Variants in IGSF21 observed in about 807,000 individuals in gnomAD.
IGSF21 encodes the protein immunoglobin superfamily member 21.
Under a neutral mutation model 46.8 loss-of-function variants are expected in IGSF21, and 28 were observed. That is an observed-to-expected ratio of 0.60 (90% confidence interval 0.44 to 0.82). IGSF21 has a LOEUF of 0.82. Among genes scored for constraint, IGSF21 ranks in the 40% least tolerant of loss-of-function variants. The probability of loss-of-function intolerance (pLI) is 0.00; values close to 1 mark genes in which losing one functional copy is unlikely to be tolerated. For synonymous variants in IGSF21, 284 were observed against 273.6 expected (o/e 1.04, Z -0.38); for missense variants, 624 against 665.5 (o/e 0.94, Z 0.69).
At chr1:18,108,308 C>T (rs1205735652) in intron 1 of IGSF21, 110 bp downstream of exon 1, 3 of 1,112,136 alleles carry the variant, frequency 2.7e-6, no homozygotes, top group Non-Finnish European at 2.3e-6. Context: ...CTACGAGCAC[C>T]GGTCCTGCCC....
intron 3 of IGSF21, among the ~76,000 whole-genome samples, chr1:18,303,497 G>A (rs2085381952): frequency 6.6e-6 from 1 of 152,242 alleles, no homozygotes; most frequent in African/African-American, 2.4e-5. Flanking sequence ...TTGATCAGGG[G>A]CCTTCCAGAG....
At chr1:18,146,292 C>A (rs528278177) in intron 1 of IGSF21, among the ~76,000 whole-genome samples, 1 of 152,160 alleles carries the variant, frequency 6.6e-6, no homozygotes, top group African/African-American at 2.4e-5. Context: ...AGGGAGTGAG[C>A]GTCCATCAGT....
At chr1:18,346,883 G>A (rs2085898937) in intron 4 of IGSF21, among the ~76,000 whole-genome samples, 1 of 152,166 alleles carries the variant, frequency 6.6e-6, no homozygotes, top group South Asian at 2.1e-4. Flanking sequence ...AGCTGGATGT[G>A]AGCATGTTCA....
At chr1:18,150,041 C>T (rs1386435416) in intron 1 of IGSF21, among the ~76,000 whole-genome samples, 1 of 152,060 alleles carries the variant, frequency 6.6e-6, no homozygotes, top group Non-Finnish European at 1.5e-5. Flanking sequence ...ATTGCTTGAG[C>T]CTAGGAGTTT....
intron 1 of IGSF21, among the ~76,000 whole-genome samples, chr1:18,188,207 A>C (rs576686074): frequency 6.6e-6 from 1 of 152,336 alleles, no homozygotes; most frequent in South Asian, 2.1e-4. Context: ...AAGAGGAAAA[A>C]GTCACGTGGA....
intron 1 of IGSF21, among the ~76,000 whole-genome samples, chr1:18,199,462 C>T (rs942623307): frequency 3.9e-5 from 6 of 152,152 alleles, no homozygotes; most frequent in African/African-American, 7.2e-5. Context: ...GACATCCAGG[C>T]GCCCCTCGGA....
chr1:18,300,299 T>G (rs1437269082), intron 3 of IGSF21, among the ~76,000 whole-genome samples: 1 of 152,004 alleles, frequency 6.6e-6, no homozygotes, highest in Non-Finnish European at 1.5e-5. Context: ...GCAGTGAGAT[T>G]TGGAAAGCCC....
chr1:18,360,544 T>C (rs2086089202), intron 4 of IGSF21, among the ~76,000 whole-genome samples: 1 of 152,146 alleles, frequency 6.6e-6, no homozygotes, highest in Admixed American at 6.5e-5. Flanking sequence ...GAAATGTTTG[T>C]CGAATTTAAT....
intron 1 of IGSF21, among the ~76,000 whole-genome samples, chr1:18,183,368 T>A (rs1018185502): frequency 6.6e-6 from 1 of 152,256 alleles, no homozygotes; most frequent in South Asian, 2.1e-4. Context: ...GGGTGAATTT[T>A]ATTTTATGTA....
chr1:18,361,948 T>G, intron 4 of IGSF21, 167 bp from the exon 5 acceptor site: 3 of 592,954 alleles, frequency 5.1e-6, no homozygotes, highest in Non-Finnish European at 9.1e-6. Flanking sequence ...AGCAAGGACG[T>G]GTTCCTCACT....
At chr1:18,324,091 C>G (rs12047549) in intron 3 of IGSF21, among the ~76,000 whole-genome samples, 6 of 152,022 alleles carry the variant, frequency 3.9e-5, no homozygotes, top group African/African-American at 1.5e-4. Flanking sequence ...GCTGAGTGTT[C>G]TCAGGGAAGC....
At chr1:18,288,269 C>T (rs1168149956) in intron 2 of IGSF21, among the ~76,000 whole-genome samples, 1 of 152,220 alleles carries the variant, frequency 6.6e-6, no homozygotes, top group Non-Finnish European at 1.5e-5. Context: ...TGAAAAGGGC[C>T]TACTTCCTCC....
intron 3 of IGSF21, among the ~76,000 whole-genome samples, chr1:18,317,796 G>A (rs2085558184): frequency 6.6e-6 from 1 of 152,136 alleles, no homozygotes; most frequent in African/African-American, 2.4e-5. Context: ...CTAACTACGG[G>A]GCAGGCACCG....
chr1:18,145,067 G>A (rs117469634), intron 1 of IGSF21, among the ~76,000 whole-genome samples: 3,065 of 152,140 alleles, frequency 0.02, 60 homozygotes, highest in East Asian at 0.057. Context: ...AATTTGAAGC[G>A]TTTAGAAAGG....
At chr1:18,236,523 A>C (rs1333179547) in intron 2 of IGSF21, among the ~76,000 whole-genome samples, 1 of 152,166 alleles carries the variant, frequency 6.6e-6, no homozygotes, top group Non-Finnish European at 1.5e-5. Flanking sequence ...TAAGACATGG[A>C]GATGGAGCTG....
At chr1:18,217,071 T>C (rs1349304731) in intron 1 of IGSF21, among the ~76,000 whole-genome samples, 2 of 152,232 alleles carry the variant, frequency 1.3e-5, no homozygotes, top group East Asian at 1.9e-4. Flanking sequence ...CTGACTGTCA[T>C]GGTCCATCCC....
At chr1:18,288,513 CT>C (rs2085236646) in intron 2 of IGSF21, among the ~76,000 whole-genome samples, 1 of 152,250 alleles carries the variant, frequency 6.6e-6, no homozygotes, top group South Asian at 2.1e-4. Flanking sequence ...GCAACTGCCC[CT>C]GTATGTCTCA....
intron 4 of IGSF21, among the ~76,000 whole-genome samples, chr1:18,342,092 C>CTGTTT (rs1225857119): frequency 4.2e-5 from 6 of 143,440 alleles, no homozygotes; most frequent in Non-Finnish European, 6.1e-5. Flanking sequence ...TTTGTTTGCT[C>CTGTTT]TGTTTTGTTT....
chr1:18,111,670 T>A (rs1570234136), intron 1 of IGSF21: 1 of 152,364 alleles, frequency 6.6e-6, no homozygotes, highest in East Asian at 1.9e-4. Context: ...AGCTGCGATG[T>A]GTCAAGCAGG....
Sources: gnomAD v4.1 joint callset for allele counts (sites outside exome capture counted in the v4.1 genomes callset) on GRCh38, gnomAD v4.1.1 for gene constraint, MANE v1.5 for transcripts, NCBI Gene and HGNC (gene_info 2026-07-23, HGNC 2026-07-21) for gene names.